Variants in DOCK1 observed in about 807,000 individuals in gnomAD.
DOCK1 encodes dedicator of cytokinesis 1.
In DOCK1, 138 loss-of-function variants were observed where a neutral mutation model predicts 262.7. The observed-to-expected ratio is 0.53, with a 90% CI of 0.46 to 0.61. The LOEUF is 0.61. Among genes scored for constraint, DOCK1 ranks in the 20% least tolerant of loss-of-function variants. The pLI, the probability that DOCK1 is intolerant of heterozygous loss-of-function variation, is 0.00. For synonymous variants in DOCK1, 866 were observed against 867.4 expected (o/e 1.00, Z 0.03); for missense variants, 1,908 against 2,370.7 (o/e 0.80, Z 4.05).
chr10:127,098,421 C>T (rs2048034772), intron 23 of DOCK1, among the ~76,000 whole-genome samples: 1 of 152,150 alleles, frequency 6.6e-6, no homozygotes, highest in African/African-American at 2.4e-5. Context: ...GTGCATGGGT[C>T]CACACGCTGT....
chr10:127,267,336 A>G (rs1423133088), intron 29 of DOCK1, among the ~76,000 whole-genome samples: 5 of 152,190 alleles, frequency 3.3e-5, no homozygotes, highest in Admixed American at 3.3e-4. Context: ...CAGTTATTCT[A>G]TTTCATGTCT....
intron 13 of DOCK1, among the ~76,000 whole-genome samples, chr10:127,021,832 G>GA (rs370290552): frequency 1.4e-3 from 207 of 147,760 alleles, no homozygotes; most frequent in African/African-American, 4.6e-3. Flanking sequence ...CAGTTTAAAA[G>GA]AAAAAAAAAA....
At position 127,127,566 on chromosome 10, in the gene DOCK1, A is replaced by C. The variant is rs988643643; in HGVS notation, c.2752-103A>C. The C allele has an allele frequency of 3.5e-6, 3 of 864,374 alleles. No homozygotes were observed. In the African/African-American group the frequency reaches 5.0e-5, roughly 14 times the overall value. 53.5% of individuals were successfully genotyped at this position (864,374 alleles called of 1,614,324 possible). On this transcript the variant is annotated intron_variant, in intron 26 of 51. Coordinates refer to ENST00000623213, the MANE Select transcript of DOCK1 (RefSeq NM_001290223.2). ...ATTTTTCATCTCATTAAGGGTTATA[A>C]TTGATTTACTCTTTACAGGGTAAAT...
chr10:127,117,776 C>T (rs940170794), intron 25 of DOCK1, among the ~76,000 whole-genome samples: 2 of 152,056 alleles, frequency 1.3e-5, no homozygotes, highest in Non-Finnish European at 2.9e-5. Context: ...CACTGGGCAC[C>T]AGGAAAGCAA....
intron 1 of DOCK1, among the ~76,000 whole-genome samples, chr10:126,959,030 T>G (rs930523715): frequency 6.6e-6 from 1 of 152,182 alleles, no homozygotes; most frequent in African/African-American, 2.4e-5. Flanking sequence ...GGCGGGACAT[T>G]CCAAAGCAGG....
At chr10:126,938,876 T>TGAACACAGGAGGGGAC (rs1338852915) in intron 1 of DOCK1, among the ~76,000 whole-genome samples, 1 of 78,412 alleles carries the variant, frequency 1.3e-5, no homozygotes, top group Non-Finnish European at 2.2e-5. Flanking sequence ...CTGGAGGGGA[T>TGAACACAGGAGGGGAC]GAACACAGGA....
At chr10:127,440,800 C>G (rs1036526400) in intron 49 of DOCK1, among the ~76,000 whole-genome samples, 2 of 152,092 alleles carry the variant, frequency 1.3e-5, no homozygotes, top group Non-Finnish European at 2.9e-5. Flanking sequence ...ATGAGGGTGG[C>G]CGAGGATGTC....
chr10:126,971,767 A>C (rs932962736), intron 2 of DOCK1, among the ~76,000 whole-genome samples: 1 of 150,930 alleles, frequency 6.6e-6, no homozygotes, highest in African/African-American at 2.4e-5. Flanking sequence ...TCTTCTTTTA[A>C]TGTCCTCACT....
intron 10 of DOCK1, among the ~76,000 whole-genome samples, chr10:127,006,499 T>C (rs977589339): frequency 1.3e-5 from 2 of 152,204 alleles, no homozygotes; most frequent in Non-Finnish European, 2.9e-5. Context: ...CCAAGTCCTT[T>C]ATTTCCTCCT....
intron 1 of DOCK1, among the ~76,000 whole-genome samples, chr10:126,964,385 A>G (rs1048860547): frequency 6.6e-6 from 1 of 152,218 alleles, no homozygotes; most frequent in African/African-American, 2.4e-5. Flanking sequence ...TGCATGGACC[A>G]GGCAAACGTG....
intron 38 of DOCK1, among the ~76,000 whole-genome samples, chr10:127,385,958 T>C (rs1342796944): frequency 6.6e-6 from 1 of 152,194 alleles, no homozygotes; most frequent in Non-Finnish European, 1.5e-5. Flanking sequence ...CCAAATACCC[T>C]GTTTCCAAAT....
chr10:127,117,768 C>CT, intron 25 of DOCK1, among the ~76,000 whole-genome samples: 3 of 152,268 alleles, frequency 2.0e-5, no homozygotes, highest in African/African-American at 7.2e-5. Flanking sequence ...CATGTGCACA[C>CT]TGGGCACCAG....
At chr10:127,105,016 C>G (rs2048451399) in intron 23 of DOCK1, among the ~76,000 whole-genome samples, 1 of 152,126 alleles carries the variant, frequency 6.6e-6, no homozygotes, top group African/African-American at 2.4e-5. Context: ...GGGAGGGGAC[C>G]TGTGGGAGGT....
At chr10:127,296,490 A>G (rs2061509082) in intron 29 of DOCK1, among the ~76,000 whole-genome samples, 2 of 152,244 alleles carry the variant, frequency 1.3e-5, no homozygotes, top group South Asian at 4.1e-4. Flanking sequence ...CATGGCTGCC[A>G]TAGCAAGCCA....
intron 27 of DOCK1, among the ~76,000 whole-genome samples, chr10:127,191,843 A>C (rs2056779513): frequency 6.6e-6 from 1 of 152,184 alleles, no homozygotes; most frequent in Non-Finnish European, 1.5e-5. Flanking sequence ...GCTTTGGGAT[A>C]TAGCTGTGAT....
At chr10:127,136,054 T>A (rs1417216770) in intron 27 of DOCK1, 1 of 152,654 alleles carries the variant, frequency 6.6e-6, no homozygotes, top group African/African-American at 2.4e-5. Flanking sequence ...GTTCCTTTTA[T>A]TGATATTCAG....
chr10:127,070,985 C>T (rs566394993), intron 23 of DOCK1, among the ~76,000 whole-genome samples: 1 of 152,094 alleles, frequency 6.6e-6, no homozygotes, highest in African/African-American at 2.4e-5. Context: ...GGCTGCCTGC[C>T]CTCAGCTGTC....
At chr10:127,288,291 A>G (rs1033027395) in intron 29 of DOCK1, among the ~76,000 whole-genome samples, 3 of 152,178 alleles carry the variant, frequency 2.0e-5, no homozygotes, top group African/African-American at 7.2e-5. Context: ...TTGATGTGAC[A>G]AAATATCTCA....
intron 12 of DOCK1, among the ~76,000 whole-genome samples, chr10:127,016,812 A>G (rs1307563625): frequency 1.3e-5 from 2 of 149,464 alleles, no homozygotes; most frequent in South Asian, 2.1e-4. Context: ...AGACACCACA[A>G]ACACACACAC....
Sources: allele counts gnomAD v4.1 joint callset (sites outside exome capture counted in the v4.1 genomes callset), GRCh38; gene constraint gnomAD v4.1.1; transcripts MANE v1.5; gene names NCBI Gene and HGNC (gene_info 2026-07-23, HGNC 2026-07-21).